GRIP2: variants seen among roughly 807,000 people sequenced by gnomAD.
GRIP2 encodes the protein glutamate receptor interacting protein 2.
In GRIP2, 58 loss-of-function variants were observed where a neutral mutation model predicts 108.3. The observed-to-expected ratio is 0.54, with a 90% CI of 0.43 to 0.67. The LOEUF is 0.67. Among genes scored for constraint, GRIP2 ranks in the 30% least tolerant of loss-of-function variants. The pLI, the probability that GRIP2 is intolerant of heterozygous loss-of-function variation, is 0.00. For missense variants in GRIP2, 1,278 were observed against 1,430.6 expected (o/e 0.89, Z 1.72); for synonymous variants, 586 against 598.2 (o/e 0.98, Z 0.30).
At chr3:14,587,803 G>A in the GRIP2 span, among the ~76,000 whole-genome samples, 1 of 152,190 alleles carries the variant, frequency 6.6e-6, no homozygotes, top group South Asian at 2.1e-4. Context: ...AGTAAATGCT[G>A]GGTGCGCTCT....
chr3:14,514,439 A>G lies in GRIP2; in HGVS notation c.1346T>C (p.Ile449Thr), dbSNP rs1426795738. 4.4e-6 allele frequency: 7 copies of G among 1,578,198 alleles called. No individual in the cohort carries two copies. ...GACCTCCGTGGTCTCCGTGTGCACA[A>G]TCTGCCCGCCCGGCCCCACCGTGCT... is the stretch of plus-strand genomic sequence containing the variant. ...ASSTVGPGGQ[I>T]VHTETTEVVL... The change falls in exon 12 of 24, where the codon ATT becomes ACT. Residue 449 changes from isoleucine to threonine, a missense_variant. Ile to Thr is a moderately conservative substitution (Grantham distance 89). Coordinates refer to ENST00000621039, the MANE Select transcript of GRIP2 (RefSeq NM_001080423.4).
At chr3:14,590,583 T>C in the GRIP2 span, among the ~76,000 whole-genome samples, 4 of 152,204 alleles carry the variant, frequency 2.6e-5, no homozygotes, top group Non-Finnish European at 4.4e-5. Flanking sequence ...GCTCCTAACA[T>C]AGCAAGGACG....
At chr3:14,548,245 G>A (rs575270218) in intron 1 of GRIP2, among the ~76,000 whole-genome samples, 5 of 152,304 alleles carry the variant, frequency 3.3e-5, no homozygotes, top group East Asian at 1.9e-4. Flanking sequence ...ACGCAGGGCC[G>A]GGTTCCGCAG....
the GRIP2 span, chr3:14,573,113 G>A: frequency 7.0e-7 from 1 of 1,431,424 alleles, no homozygotes; most frequent in Non-Finnish European, 9.8e-7. Flanking sequence ...GGGCAAAGTT[G>A]TCGATCCAGG....
At chr3:14,601,066 T>TCACA in the GRIP2 span, among the ~76,000 whole-genome samples, 12,359 of 148,936 alleles carry the variant, frequency 0.083, 545 homozygotes, top group African/African-American at 0.094. Context: ...TCTCTCTCTC[T>TCACA]CACACACACA....
At chr3:14,565,564 C>T in the GRIP2 span, among the ~76,000 whole-genome samples, 63 of 151,990 alleles carry the variant, frequency 4.1e-4, no homozygotes, top group African/African-American at 1.5e-3. Flanking sequence ...AATCCCACAC[C>T]CCAAGTCCCG....
At position 14,503,635 on chromosome 3, in the gene GRIP2, C is replaced by T. The variant is rs777977717; in HGVS notation, c.2610G>A (p.Trp870Ter). 1.2e-6 allele frequency: 2 copies of T among 1,611,002 alleles called. No individual in the cohort carries two copies. Among genetic ancestry groups the T allele is most frequent in the Non-Finnish European group, 1.7e-6 (2 of 1,178,946 alleles). Reference protein sequence around the residue: ...APGPAREEGFWRMFGEALEDL... With the variant: ...APGPAREEGF Reference sequence around the variant, plus strand: ...CTTCGAGAGCTTCTCCAAACATGCGCCAGAAGCCCTCCTCTCGGGCAGGGC... The same window carrying T: ...CTTCGAGAGCTTCTCCAAACATGCGTCAGAAGCCCTCCTCTCGGGCAGGGC... Residue 870 changes from tryptophan (W) to a stop codon, truncating the protein, a stop_gained, in exon 21 of 24, where the codon TGG becomes TGA. Transcript: ENST00000621039. LOFTEE classifies it high-confidence loss of function.
the GRIP2 span, among the ~76,000 whole-genome samples, chr3:14,569,736 G>A: frequency 1.3e-5 from 2 of 152,026 alleles, no homozygotes; most frequent in African/African-American, 4.8e-5. Flanking sequence ...CAGCCTCTGC[G>A]CTACACCCTT....
intron 21 of GRIP2, among the ~76,000 whole-genome samples, chr3:14,496,770 A>G (rs752448765): frequency 5.3e-5 from 8 of 152,364 alleles, no homozygotes; most frequent in Middle Eastern, 6.8e-3. Flanking sequence ...AATCACTGGC[A>G]CGTAATCATT....
chr3:14,583,388 C>A, the GRIP2 span, among the ~76,000 whole-genome samples: 204 of 152,330 alleles, frequency 1.3e-3, 1 homozygote, highest in African/African-American at 4.7e-3. Context: ...CTTAGTCCAA[C>A]CCCCAGCCAG....
At chr3:14,555,373 C>T (rs1364475990) in intron 1 of GRIP2, among the ~76,000 whole-genome samples, 7 of 142,966 alleles carry the variant, frequency 4.9e-5, no homozygotes, top group Admixed American at 2.1e-4. Context: ...GGGACATGGC[C>T]CTGGGAAGGG....
intron 13 of GRIP2, among the ~76,000 whole-genome samples, chr3:14,513,382 G>C (rs1471795512): frequency 6.6e-6 from 1 of 152,162 alleles, no homozygotes; most frequent in East Asian, 1.9e-4. Flanking sequence ...ACTGTTGTTC[G>C]AGGTTCTTTG....
the GRIP2 span, among the ~76,000 whole-genome samples, chr3:14,587,861 AC>A: frequency 6.6e-6 from 1 of 152,040 alleles, no homozygotes; most frequent in Non-Finnish European, 1.5e-5. Flanking sequence ...TATACTCCCA[AC>A]AGGTAGGCAG....
At chr3:14,560,208 C>CGTA (rs1472414349), upstream of GRIP2, among the ~76,000 whole-genome samples, 3 of 152,074 alleles carry the variant, frequency 2.0e-5, no homozygotes, top group South Asian at 2.1e-4. Context: ...GATCTCTGAT[C>CGTA]GTAGCACTGC....
At chr3:14,533,577 A>G (rs66714935) in intron 1 of GRIP2, among the ~76,000 whole-genome samples, 20,322 of 152,166 alleles carry the variant, frequency 0.13, 1,577 homozygotes, top group Middle Eastern at 0.27. Context: ...CACCCCCAAG[A>G]GCTGGATGCT....
rs544744305 is a variant in GRIP2 at position 14,511,161 on chromosome 3, A to C, written c.1933+4T>G. 98 of 1,613,838 alleles carry C rather than the reference A, an allele frequency of 6.1e-5. 1 individual carries two copies. The South Asian group carries it at 1.1e-3, about 18-fold the overall frequency. Reference sequence around the variant, plus strand: ...GAGGTAGGAGGCCAGCATGAGGGCCATACCAGAGTTGTCCTCGTCCTTCCG... The same window carrying C: ...GAGGTAGGAGGCCAGCATGAGGGCCCTACCAGAGTTGTCCTCGTCCTTCCG... On this transcript the variant is annotated splice_donor_region_variant and intron_variant, in intron 16 of 23. Transcript: ENST00000621039. This position sits in a 1 kb window ranked among gnomAD's most constrained non-coding sequence, Gnocchi z 4.1.
At chr3:14,584,835 T>C in the GRIP2 span, among the ~76,000 whole-genome samples, 131 of 152,344 alleles carry the variant, frequency 8.6e-4, no homozygotes, top group Admixed American at 3.7e-3. Context: ...CCGCAGCCCA[T>C]AGACCCTGCC....
chr3:14,534,275 T>C (rs1361938838), intron 1 of GRIP2, among the ~76,000 whole-genome samples: 1 of 152,126 alleles, frequency 6.6e-6, no homozygotes, highest in Non-Finnish European at 1.5e-5. Flanking sequence ...AATGGGGGTG[T>C]CTCTCCCATG....
chr3:14,563,678 A>G, the GRIP2 span, among the ~76,000 whole-genome samples: 41 of 152,064 alleles, frequency 2.7e-4, no homozygotes, highest in African/African-American at 9.2e-4. Flanking sequence ...TCGGGGCTCC[A>G]CAGTCATCAA....
Sources: allele counts gnomAD v4.1 joint callset (sites outside exome capture counted in the v4.1 genomes callset), GRCh38; gene constraint gnomAD v4.1.1; non-coding constraint Gnocchi (gnomAD v3.1); transcripts MANE v1.5; gene names NCBI Gene and HGNC (gene_info 2026-07-23, HGNC 2026-07-21).